AGAP1: variants seen among roughly 807,000 people sequenced by gnomAD.
AGAP1 encodes ArfGAP with GTPase domain, ankyrin repeat and PH domain 1.
Under a neutral mutation model 105.3 loss-of-function variants are expected in AGAP1, and 29 were observed. The observed-to-expected ratio is 0.28, with a 90% CI of 0.21 to 0.38. The LOEUF is 0.38. Among genes scored for constraint, AGAP1 ranks in the 10% least tolerant of loss-of-function variants. The pLI is 1.00. For missense variants in AGAP1, 998 were observed against 1,165.1 expected (o/e 0.86, Z 2.09); for synonymous variants, 509 against 485.9 (o/e 1.05, Z -0.63).
In AGAP1 at chr2:235,893,007, A is replaced by G. The variant is rs79705940; in HGVS notation, c.1155+9558A>G. Among the ~76,000 whole-genome samples the G allele has an allele frequency of 0.016, 2,501 of 152,314 alleles. 58 individuals carry two copies. Among genetic ancestry groups the G allele is most frequent in the African/African-American group, 0.057 (2,389 of 41,552 alleles). ...GCTGCAGAAGGCGTGATTCATCTTA[A>G]GATCAAAAATTATTTCATCTTGCTT... On this transcript the variant is annotated intron_variant, in intron 10 of 17. Transcript: ENST00000304032. This position sits in a 1 kb window ranked among gnomAD's most constrained non-coding sequence, Gnocchi z 4.7.
intron 1 of AGAP1, among the ~76,000 whole-genome samples, chr2:235,541,434 C>T (rs1943435025): frequency 7.7e-6 from 1 of 129,562 alleles, no homozygotes; most frequent in Non-Finnish European, 1.5e-5. Flanking sequence ...CTCGCCCAGG[C>T]TGGAGTGCAG....
At position 235,559,960 on chromosome 2, in the gene AGAP1, T is replaced by A. The variant is rs1009214912; in HGVS notation, c.163+65111T>A. On this transcript the variant is annotated intron_variant, in intron 1 of 17. Transcript: ENST00000304032. This position sits in a 1 kb window ranked among gnomAD's most constrained non-coding sequence, Gnocchi z 5.7. The stretch of plus-strand genomic sequence containing the variant: ...GTTTGTCCATTAATGTTCTTGATAT[T>A]CTTTGAGGTACTAAAGCTTTTAATT... 4.6e-5 allele frequency among the ~76,000 whole-genome samples: 7 copies of A among 152,196 alleles called. No individual in the cohort carries two copies. The highest frequency in any genetic ancestry group is 1.7e-4 in the African/African-American group (7 of 41,456).
intron 1 of AGAP1, among the ~76,000 whole-genome samples, chr2:235,675,055 G>A (rs1948652133): frequency 6.6e-6 from 1 of 151,730 alleles, no homozygotes; most frequent in Admixed American, 6.6e-5. Context: ...AAAACAAACA[G>A]CCTTCAGTGG....
At chr2:235,778,255 C>T (rs1479705602) in intron 6 of AGAP1, among the ~76,000 whole-genome samples, 1 of 152,198 alleles carries the variant, frequency 6.6e-6, no homozygotes, top group South Asian at 2.1e-4. Flanking sequence ...AGAGCCCTGG[C>T]CCCAGCCACC....
chr2:235,966,639 C>A (rs1033596786), intron 12 of AGAP1, among the ~76,000 whole-genome samples: 1 of 152,078 alleles, frequency 6.6e-6, no homozygotes, highest in African/African-American at 2.4e-5. Context: ...AGTGACCACC[C>A]ACAAGGAGTG....
intron 1 of AGAP1, among the ~76,000 whole-genome samples, chr2:235,537,866 G>A (rs1438640986): frequency 6.6e-6 from 1 of 152,134 alleles, no homozygotes; most frequent in Non-Finnish European, 1.5e-5. Flanking sequence ...ACGGCATTAA[G>A]TCAGCCACAT....
chr2:235,804,204 T>C (rs1357322170), intron 8 of AGAP1, among the ~76,000 whole-genome samples: 1 of 152,246 alleles, frequency 6.6e-6, no homozygotes. Flanking sequence ...TCTGTGTCCA[T>C]GCTGTAAACT....
At position 235,865,978 on chromosome 2, in the gene AGAP1, G is replaced by T. The variant is rs995982660; in HGVS notation, c.1051-17367G>T. 6.6e-6 allele frequency among the ~76,000 whole-genome samples: 1 copy of T among 152,176 alleles called. No individual in the cohort carries two copies. Among genetic ancestry groups the T allele is most frequent in the Non-Finnish European group, 1.5e-5 (1 of 68,028 alleles). On this transcript the variant is annotated intron_variant, in intron 9 of 17. Coordinates refer to ENST00000304032, the MANE Select transcript of AGAP1 (RefSeq NM_001037131.3). This position sits in a 1 kb window ranked among gnomAD's most constrained non-coding sequence, Gnocchi z 6.2. ...CTTCTTTCACTTAACGGCATTTTCTGCAGCTTGAATGAAAGCTGTCTCGAT... is the reference window on the plus strand; with the variant it reads ...CTTCTTTCACTTAACGGCATTTTCTTCAGCTTGAATGAAAGCTGTCTCGAT...
Position 235,494,263 on chromosome 2 carries a change from G to A in AGAP1, c.-424G>A, listed in dbSNP as rs929365989. On this transcript the variant is annotated 5_prime_UTR_variant, in exon 1 of 18. Transcript: ENST00000304032. ...AGCAGCGCGGCCACACTGCCCAGGG[G>A]TCGGCCCTCGGCCCCGGCGCTCGGA... The A allele has an allele frequency of 5.5e-5, 8 of 145,156 alleles. No homozygotes were observed. Among genetic ancestry groups the A allele is most frequent in the African/African-American group, 2.0e-4 (8 of 40,398 alleles). 9.0% of individuals were successfully genotyped at this position (145,156 alleles called of 1,614,324 possible).
rs865819715 is a variant in AGAP1, at chr2:236,000,604, T to C, written c.1645+31981T>C. ...GGCTGGGCGAACACCAGCCCGAGCC[T>C]GACTTAAGCAGGATGGGCATGGACA... On this transcript the variant is annotated intron_variant, in intron 13 of 17. Coordinates refer to ENST00000304032, the MANE Select transcript of AGAP1 (RefSeq NM_001037131.3). This position sits in a 1 kb window ranked among gnomAD's most constrained non-coding sequence, Gnocchi z 4.3. 6.6e-6 allele frequency among the ~76,000 whole-genome samples: 1 copy of C among 152,164 alleles called. No individual in the cohort carries two copies. The highest frequency in any genetic ancestry group is 6.5e-5 in the Admixed American group (1 of 15,280).
intron 12 of AGAP1, among the ~76,000 whole-genome samples, chr2:235,933,536 A>ATTTTTTTTTTTT (rs71036300): frequency 1.4e-5 from 2 of 141,986 alleles, no homozygotes; most frequent in African/African-American, 5.3e-5. Flanking sequence ...TTTTCTAAGG[A>ATTTTTTTTTTTT]TTTTTTTTTT....
chr2:235,604,481 CAAAAT>C (rs1304889575), intron 1 of AGAP1, among the ~76,000 whole-genome samples: 4 of 69,292 alleles, frequency 5.8e-5, no homozygotes, highest in Admixed American at 4.0e-4. Context: ...GACCCTGTAT[CAAAAT>C]AAAAAAAAAA....
chr2:236,080,162 C>T lies in AGAP1; in HGVS notation c.2114+30881C>T, dbSNP rs1250774371. On this transcript the variant is annotated intron_variant, in intron 16 of 17. Transcript: ENST00000304032. The surrounding 1 kb of genome is among the most constrained non-coding windows in gnomAD (Gnocchi z 4.2). Reference sequence around the variant, plus strand: ...GGGCACAAAGCACATTTGCCCTGTGCTCTGGAGGGAGATGCTATCTCCATC... The same window carrying T: ...GGGCACAAAGCACATTTGCCCTGTGTTCTGGAGGGAGATGCTATCTCCATC... Among the ~76,000 whole-genome samples the T allele has an allele frequency of 2.6e-5, 4 of 152,198 alleles. No individual in the cohort carries two copies. Among genetic ancestry groups the T allele is most frequent in the Non-Finnish European group, 1.5e-5 (1 of 68,036 alleles).
Position 236,035,178 on chromosome 2 carries a change from C to T in AGAP1, c.1646-1383C>T, listed in dbSNP as rs562932850. On this transcript the variant is annotated intron_variant, in intron 13 of 17. Transcript: ENST00000304032. The surrounding 1 kb of genome is among the most constrained non-coding windows in gnomAD (Gnocchi z 4.2). The stretch of plus-strand genomic sequence containing the variant: ...TAGACATGAGCCAGCCCAATGGCCA[C>T]GGGCTGGTGACAGAGATAAGTAAAG... Among the ~76,000 whole-genome samples the T allele has an allele frequency of 8.0e-4, 121 of 152,194 alleles. No individual in the cohort carries two copies. The highest frequency in any genetic ancestry group is 2.5e-3 in the African/African-American group (105 of 41,520).
At chr2:235,707,600 C>T (rs1292271667) in intron 1 of AGAP1, among the ~76,000 whole-genome samples, 3 of 144,520 alleles carry the variant, frequency 2.1e-5, no homozygotes, top group Admixed American at 2.1e-4. Context: ...GTGGGTTGTG[C>T]TCCCCCGGCG....
chr2:235,580,816 T>C (rs1390299083), intron 1 of AGAP1, among the ~76,000 whole-genome samples: 1 of 152,166 alleles, frequency 6.6e-6, no homozygotes, highest in East Asian at 1.9e-4. Context: ...CTAGAGAGGA[T>C]GTTATCTGAC....
In AGAP1 at chr2:236,092,754, TAAAAC is replaced by T. The variant is rs1351922123; in HGVS notation, c.2115-27435_2115-27431del. 6.6e-6 allele frequency among the ~76,000 whole-genome samples: 1 copy of T among 152,218 alleles called. No individual in the cohort carries two copies. On this transcript the variant is annotated intron_variant, in intron 16 of 17. Transcript: ENST00000304032. This position sits in a 1 kb window ranked among gnomAD's most constrained non-coding sequence, Gnocchi z 4.7. ...TTTCAAAAAAGCTTACTAAAAAGTTTAAAACAATCAAGCAAAATAAAAGGTGGCTT... is the reference window on the plus strand; with the variant it reads ...TTTCAAAAAAGCTTACTAAAAAGTTTAATCAAGCAAAATAAAAGGTGGCTT...
At chr2:235,715,097 C>A (rs532636113) in intron 2 of AGAP1, among the ~76,000 whole-genome samples, 118 of 152,276 alleles carry the variant, frequency 7.7e-4, no homozygotes, top group African/African-American at 2.6e-3. Flanking sequence ...GTGCCCAGCC[C>A]TGTGTTTGTT....
rs1029527969 is a variant in AGAP1, at chr2:236,000,145, A to G, written c.1645+31522A>G. On this transcript the variant is annotated intron_variant, in intron 13 of 17. Transcript: ENST00000304032. This position sits in a 1 kb window ranked among gnomAD's most constrained non-coding sequence, Gnocchi z 4.3. ...CCCCTGCAGGCCAGCTTTTGTCTCA[A>G]CATCACTGGAGAGCTGCATATTACG... 2.6e-5 allele frequency among the ~76,000 whole-genome samples: 4 copies of G among 152,124 alleles called. No homozygotes were observed. The highest frequency in any genetic ancestry group is 1.9e-4 in the East Asian group (1 of 5,178).
Sources: allele counts gnomAD v4.1 joint callset (sites outside exome capture counted in the v4.1 genomes callset), GRCh38; gene constraint gnomAD v4.1.1; non-coding constraint Gnocchi (gnomAD v3.1); transcripts MANE v1.5; gene names NCBI Gene and HGNC (gene_info 2026-07-23, HGNC 2026-07-21).